WAC: variants seen among roughly 807,000 people sequenced by gnomAD.
The protein encoded by WAC is WW domain containing adaptor with coiled-coil.
A neutral mutation model predicts 79.6 loss-of-function variants in WAC; 11 were observed. That is an observed-to-expected ratio of 0.14 (90% CI 0.09 to 0.23). WAC has a LOEUF of 0.23. Ranked by LOEUF, WAC falls within the 10% of genes least tolerant of loss-of-function variation. The pLI is 1.00. For missense variants in WAC, 728 were observed against 773.5 expected (o/e 0.94, Z 0.70); for synonymous variants, 304 against 276.9 (o/e 1.10, Z -0.97).
intron 4 of WAC, among the ~76,000 whole-genome samples, chr10:28,588,546 A>G (rs968910954): frequency 5.3e-5 from 8 of 152,220 alleles, no homozygotes; most frequent in Non-Finnish European, 1.0e-4. Context: ...TAGACAACTC[A>G]TAAGTTCTCT....
At chr10:28,539,821 A>C (rs1836909728) in intron 3 of WAC, among the ~76,000 whole-genome samples, 1 of 152,146 alleles carries the variant, frequency 6.6e-6, no homozygotes, top group African/African-American at 2.4e-5. Context: ...GGCCTCCCAA[A>C]GTGCTAGGAT....
intron 3 of WAC, among the ~76,000 whole-genome samples, chr10:28,581,086 G>A (rs1280608173): frequency 6.6e-6 from 1 of 152,092 alleles, no homozygotes; most frequent in Non-Finnish European, 1.5e-5. Flanking sequence ...AAGCTCACTA[G>A]AGATTTAGTG....
intron 2 of WAC, 60 bp from the exon 3 acceptor site, chr10:28,535,502 A>G: frequency 2.0e-6 from 3 of 1,482,522 alleles, no homozygotes; most frequent in Middle Eastern, 2.2e-4. Flanking sequence ...TTATGTTTAA[A>G]TTAGGGAGTT....
intron 3 of WAC, among the ~76,000 whole-genome samples, chr10:28,541,431 T>G (rs1037838726): frequency 2.1e-5 from 3 of 140,876 alleles, no homozygotes; most frequent in African/African-American, 5.2e-5. Flanking sequence ...TTTTTTTTTT[T>G]TTTTTTTTTT....
At chr10:28,574,083 A>G (rs1174136661) in intron 3 of WAC, among the ~76,000 whole-genome samples, 1 of 150,910 alleles carries the variant, frequency 6.6e-6, no homozygotes, top group Non-Finnish European at 1.5e-5. Context: ...TGATTATGCC[A>G]CATTTTCTTG....
rs755188865 is a variant in WAC at position 28,619,834 on chromosome 10, T to C, written c.*228T>C. ...AGATGTATCCTTCACGTTGTAAATA[T>C]GTTTTGTAGAGTGAAGCCATGGGAA... On this transcript the variant is annotated 3_prime_UTR_variant, in exon 14 of 14. Transcript: ENST00000354911. 5 of 382,042 alleles carry C rather than the reference T, an allele frequency of 1.3e-5. No individual in the cohort carries two copies. The highest frequency in any genetic ancestry group is 6.3e-5 in the African/African-American group (3 of 47,272). The allele number at this position is 382,042 out of a possible 1,614,324, so 23.7% of individuals were successfully genotyped here.
chr10:28,573,701 C>T (rs999029457), intron 3 of WAC, among the ~76,000 whole-genome samples: 2 of 151,882 alleles, frequency 1.3e-5, no homozygotes, highest in South Asian at 4.1e-4. Flanking sequence ...TTGGTGGGGG[C>T]GTAAGTTTTA....
intron 2 of WAC, 43 bp downstream of exon 2, chr10:28,534,077 G>A: frequency 6.5e-7 from 1 of 1,547,914 alleles, no homozygotes; most frequent in Non-Finnish European, 8.7e-7. Context: ...AGGGGCCGGA[G>A]GGGGAAGGGA....
intron 3 of WAC, among the ~76,000 whole-genome samples, chr10:28,548,087 ATTT>A (rs958390902): frequency 1.6e-4 from 24 of 150,370 alleles, no homozygotes; most frequent in South Asian, 1.3e-3. Context: ...TGCCTGGCTA[ATTT>A]TTTTTTATTT....
chr10:28,546,574 A>T (rs1467076520), intron 3 of WAC, among the ~76,000 whole-genome samples: 1 of 152,092 alleles, frequency 6.6e-6, no homozygotes, highest in Non-Finnish European at 1.5e-5. Context: ...ATTTTTTTTT[A>T]AAGAATAATG....
intron 3 of WAC, among the ~76,000 whole-genome samples, chr10:28,559,136 A>ATGTGTGTGTGTGTGTGTGTGTGTGTG (rs111740298): frequency 1.5e-4 from 22 of 146,762 alleles, no homozygotes; most frequent in South Asian, 4.5e-4. Context: ...GAGAAACCTG[A>ATGTGTGTGTGTGTGTGTGTGTGTGTG]TGTGTGTGTG....
Position 28,533,456 on chromosome 10 carries a change from G to C in WAC, c.-124G>C. 2 of 391,282 alleles carry C rather than the reference G, an allele frequency of 5.1e-6. No individual in the cohort carries two copies. Among genetic ancestry groups the C allele is most frequent in the Non-Finnish European group, 7.0e-6 (2 of 283,800 alleles). The allele number at this position is 391,282 out of a possible 1,614,324, so 24.2% of individuals were successfully genotyped here. On this transcript the variant is annotated 5_prime_UTR_variant, in exon 1 of 14. Transcript: ENST00000354911. ...TAACTGGGAGCTGATGAGAGTCGCCGAGGGCGCGCCGGGCCCAGGTGCCGG... is the reference window on the plus strand; with the variant it reads ...TAACTGGGAGCTGATGAGAGTCGCCCAGGGCGCGCCGGGCCCAGGTGCCGG...
At chr10:28,540,097 A>G (rs1369221457) in intron 3 of WAC, among the ~76,000 whole-genome samples, 1 of 152,204 alleles carries the variant, frequency 6.6e-6, no homozygotes, top group African/African-American at 2.4e-5. Context: ...ACTTTGAAAT[A>G]TGCTTTGAGT....
At position 28,600,504 on chromosome 10, in the gene WAC, TAGAA is replaced by T. The variant is rs369181104; in HGVS notation, c.919+4467_919+4470del. On this transcript the variant is annotated intron_variant, in intron 7 of 13. Coordinates refer to ENST00000354911, the MANE Select transcript of WAC (RefSeq NM_016628.5). ...GGCTTACTAAATATTCATGAAAAGT[TAGAA>T]AGATTGGCCATAGTTATTCAAATAT... Among the ~76,000 whole-genome samples, 181 of 152,288 alleles carry T rather than the reference TAGAA, an allele frequency of 1.2e-3. 1 individual carries two copies. Among genetic ancestry groups the T allele is most frequent in the East Asian group, 7.5e-3 (39 of 5,190 alleles).
At position 28,533,535 on chromosome 10, in the gene WAC, G is replaced by A. The variant is rs1343075149; in HGVS notation, c.-45G>A. On this transcript the variant is annotated 5_prime_UTR_variant, in exon 1 of 14. Coordinates refer to ENST00000354911, the MANE Select transcript of WAC (RefSeq NM_016628.5). ...CCTGCGCGCCCGCCCGCCTTTCGCG[G>A]CCGCTCTCCCCCCTCCCCGACACAC... The A allele has an allele frequency of 3.2e-6, 4 of 1,269,184 alleles. No individual in the cohort carries two copies. The highest frequency in any genetic ancestry group is 4.1e-6 in the Non-Finnish European group (4 of 982,636). 78.6% of individuals were successfully genotyped at this position (1,269,184 alleles called of 1,614,324 possible).
chr10:28,556,910 G>A (rs1451724600), intron 3 of WAC, among the ~76,000 whole-genome samples: 1 of 152,084 alleles, frequency 6.6e-6, no homozygotes, highest in Non-Finnish European at 1.5e-5. Flanking sequence ...GCATTGGTGT[G>A]TGTTTCTGTT....
chr10:28,596,127 G>A, intron 7 of WAC, 86 bp downstream of exon 7: 1 of 1,366,254 alleles, frequency 7.3e-7, no homozygotes, highest in South Asian at 1.5e-5. Flanking sequence ...TATTTCCTTT[G>A]GCTCTGAATT....
Position 28,611,100 on chromosome 10 carries a change from AGTTT to A in WAC, c.1288+280_1288+283del. 8.9e-6 allele frequency: 5 copies of A among 562,506 alleles called. No homozygotes were observed. The South Asian group carries it at 1.0e-4, about 12-fold the overall frequency. 34.8% of individuals were successfully genotyped at this position (562,506 alleles called of 1,614,324 possible). On this transcript the variant is annotated intron_variant, in intron 9 of 13. Transcript: ENST00000354911. Reference sequence around the variant, plus strand: ...TTTAATTCAGACTTTGTTATTAATGAGTTTTTTTATGCCAAAGCTGAAAGTAAAC... The same window carrying A: ...TTTAATTCAGACTTTGTTATTAATGATTTTATGCCAAAGCTGAAAGTAAAC...
chr10:28,535,628 G>A lies in WAC; in HGVS notation c.145G>A (p.Ala49Thr), dbSNP rs147245260. The change falls in exon 3 of 14, where the codon GCC (alanine) becomes ACC (threonine). Residue 49 changes from alanine (A) to threonine (T), a missense_variant. Transcript: ENST00000354911. The stretch of plus-strand genomic sequence containing the variant: ...TCACAGACATGAAAAGATGCGAGAC[G>A]CCGGAGATCCTTCACCACCAAATAA... ...GDHRHEKMRD[A>T]GDPSPPNKML... The A allele has an allele frequency of 1.1e-5, 17 of 1,613,908 alleles. No individual in the cohort carries two copies. The highest frequency in any genetic ancestry group is 9.3e-5 in the African/African-American group (7 of 74,876).
Sources: allele counts gnomAD v4.1 joint callset (sites outside exome capture counted in the v4.1 genomes callset), GRCh38; gene constraint gnomAD v4.1.1; transcripts MANE v1.5; gene names NCBI Gene and HGNC (gene_info 2026-07-23, HGNC 2026-07-21).